Variants in SLCO1A2 observed in about 807,000 individuals in gnomAD.
SLCO1A2 encodes solute carrier organic anion transporter family member 1A2, also known as OATP-1.
A neutral mutation model predicts 69.0 loss-of-function variants in SLCO1A2; 67 were observed. That is an observed-to-expected ratio of 0.97 (90% CI 0.80 to 1.19). The LOEUF is 1.19. Ranked by LOEUF, SLCO1A2 falls within the 50% of genes most tolerant of loss-of-function variation. SLCO1A2 has a pLI of 0.00. For synonymous variants in SLCO1A2, 260 were observed against 265.9 expected (o/e 0.98, Z 0.22); for missense variants, 787 against 793.7 (o/e 0.99, Z 0.10).
chr12:21,307,826 G>A (rs780164649), intron 4 of SLCO1A2, among the ~76,000 whole-genome samples: 4 of 152,146 alleles, frequency 2.6e-5, no homozygotes, highest in Admixed American at 6.5e-5. Flanking sequence ...ATGCTTGGAT[G>A]CCACTGATAG....
Position 21,376,662 on chromosome 12 carries a change from T to TA in SLCO1A2, c.-189-2138dup, listed in dbSNP as rs141702135. ...TAGGAAGAAATATGGGAGTAAAATT[T>TA]AAAAAAAAAACAGTTTCACATGAGA... On this transcript the variant is annotated intron_variant, in intron 1 of 15. Transcript: ENST00000307378. 1.2e-3 allele frequency among the ~76,000 whole-genome samples: 183 copies of TA among 148,150 alleles called. 2 individuals carry two copies. The highest frequency in any genetic ancestry group is 3.0e-3 in the African/African-American group (124 of 40,684).
At chr12:21,362,416 G>C (rs1938982826) in intron 2 of SLCO1A2, among the ~76,000 whole-genome samples, 1 of 152,112 alleles carries the variant, frequency 6.6e-6, no homozygotes, top group Non-Finnish European at 1.5e-5. Context: ...ACATGGAAAG[G>C]AACAACCGGT....
intron 4 of SLCO1A2, among the ~76,000 whole-genome samples, chr12:21,310,890 A>T (rs959132982): frequency 1.3e-5 from 2 of 152,204 alleles, no homozygotes; most frequent in African/African-American, 4.8e-5. Context: ...GGCGTGAGCC[A>T]CCGCGCCCAG....
At chr12:21,270,832 A>G (rs1942683171) in intron 14 of SLCO1A2, among the ~76,000 whole-genome samples, 1 of 149,266 alleles carries the variant, frequency 6.7e-6, no homozygotes, top group African/African-American at 2.5e-5. Flanking sequence ...ATCCTTAATG[A>G]TGTTTTATTT....
At chr12:21,319,588 T>A in intron 2 of SLCO1A2, 1 of 647,886 alleles carries the variant, frequency 1.5e-6, no homozygotes, top group Non-Finnish European at 2.4e-6. Context: ...AGCTGCAGTG[T>A]AAATGGAGGA....
In SLCO1A2 at chr12:21,334,838, T is replaced by TC. The variant is rs397821877; in HGVS notation, c.-75_-74insG. The TC allele has an allele frequency of 6.1e-6, 3 of 492,130 alleles. No homozygotes were observed. In the South Asian group the frequency reaches 1.0e-4, roughly 16 times the overall value. The allele number at this position is 492,130 out of a possible 1,614,324, so 30.5% of individuals were successfully genotyped here. A position where few individuals can be genotyped will look rare whatever the true frequency, so the allele number is the denominator to read the frequency against. On this transcript the variant is annotated 5_prime_UTR_variant, in exon 1 of 15. Coordinates refer to ENST00000683939, the MANE Select transcript of SLCO1A2 (RefSeq NM_001386879.1). ...CATTACAAAAATACCTGGAACGCTT[T>TC]AATACAGATTAGAAAATCATGGTGT...
At chr12:21,271,739 T>A (rs1420785041) in intron 14 of SLCO1A2, among the ~76,000 whole-genome samples, 1 of 148,356 alleles carries the variant, frequency 6.7e-6, no homozygotes, top group Non-Finnish European at 1.5e-5. Flanking sequence ...TGCATATGTA[T>A]ATTTACATAT....
intron 12 of SLCO1A2, among the ~76,000 whole-genome samples, chr12:21,279,831 A>G (rs888180600): frequency 2.0e-5 from 3 of 152,232 alleles, no homozygotes; most frequent in Non-Finnish European, 4.4e-5. Context: ...TGATGTATAA[A>G]CTACTCTTAA....
At chr12:21,357,424 A>G (rs1938459481) in intron 2 of SLCO1A2, among the ~76,000 whole-genome samples, 1 of 152,206 alleles carries the variant, frequency 6.6e-6, no homozygotes, top group African/African-American at 2.4e-5. Context: ...CTCAGATAGA[A>G]CCAACCCTGC....
rs1482265058 is a variant in SLCO1A2, at chr12:21,268,425, T to C, written c.*1123A>G. 1 of 152,110 alleles carries C rather than the reference T, an allele frequency of 6.6e-6. No homozygotes were observed. Among genetic ancestry groups the C allele is most frequent in the Non-Finnish European group, 1.5e-5 (1 of 67,990 alleles). 9.4% of individuals were successfully genotyped at this position (152,110 alleles called of 1,614,324 possible). On this transcript the variant is annotated 3_prime_UTR_variant, in exon 15 of 15. Transcript: ENST00000683939. ...TCATTCTTATATATTGACTGTCATT[T>C]CAACAGGAAGGAGAGTAAGGAGTAG... is the stretch of plus-strand genomic sequence containing the variant.
intron 12 of SLCO1A2, among the ~76,000 whole-genome samples, chr12:21,284,809 G>A (rs1591790544): frequency 1.2e-5 from 1 of 85,194 alleles, no homozygotes; most frequent in African/African-American, 5.4e-5. Context: ...TGAAACCAAC[G>A]AGAACAAAGA....
intron 1 of SLCO1A2, among the ~76,000 whole-genome samples, chr12:21,384,181 A>T (rs1940751547): frequency 6.6e-6 from 1 of 152,194 alleles, no homozygotes; most frequent in Non-Finnish European, 1.5e-5. Context: ...TTCTAAATTC[A>T]TTTTATTAAG....
At chr12:21,292,071 T>A in intron 12 of SLCO1A2, 93 bp downstream of exon 12, 1 of 817,678 alleles carries the variant, frequency 1.2e-6, no homozygotes, top group East Asian at 2.7e-5. Context: ...GAGCACTGAG[T>A]TCTTAGATAC....
Position 21,302,116 on chromosome 12 carries a change from C to T in SLCO1A2, c.590-847G>A, listed in dbSNP as rs138125151. ...CTCTCTTGTGCGCGTTCAATTTCCCCGTAGCCAATGATTCTACAAAATCTC... is the reference window on the plus strand; with the variant it reads ...CTCTCTTGTGCGCGTTCAATTTCCCTGTAGCCAATGATTCTACAAAATCTC... On this transcript the variant is annotated intron_variant, in intron 6 of 14. Coordinates refer to ENST00000683939, the MANE Select transcript of SLCO1A2 (RefSeq NM_001386879.1). Among the ~76,000 whole-genome samples the T allele has an allele frequency of 2.6e-5, 4 of 152,210 alleles. 1 individual carries two copies. Among genetic ancestry groups the T allele is most frequent in the African/African-American group, 7.2e-5 (3 of 41,522 alleles).
chr12:21,405,238 C>T (rs1024530808), intron 1 of SLCO1A2, among the ~76,000 whole-genome samples: 1 of 152,064 alleles, frequency 6.6e-6, no homozygotes, highest in Non-Finnish European at 1.5e-5. Flanking sequence ...AATTAGATCT[C>T]ATTTGTCAAT....
chr12:21,302,939 G>A (rs983731178), intron 6 of SLCO1A2, among the ~76,000 whole-genome samples: 7 of 151,872 alleles, frequency 4.6e-5, no homozygotes, highest in African/African-American at 1.5e-4. Flanking sequence ...TGATTTGTCC[G>A]CCTCAGCCTC....
At chr12:21,337,366 A>G (rs1288222516), upstream of SLCO1A2, among the ~76,000 whole-genome samples, 1 of 152,076 alleles carries the variant, frequency 6.6e-6, no homozygotes, top group East Asian at 1.9e-4. Context: ...GCAGTATTAA[A>G]CAAATTAATA....
chr12:21,315,140 A>G (rs916911609), intron 3 of SLCO1A2, among the ~76,000 whole-genome samples: 10 of 152,206 alleles, frequency 6.6e-5, no homozygotes, highest in African/African-American at 2.4e-4. Flanking sequence ...TAGGTAGCTG[A>G]ATGTTTTGTA....
chr12:21,361,849 A>T (rs998708864), intron 2 of SLCO1A2, among the ~76,000 whole-genome samples: 1 of 152,166 alleles, frequency 6.6e-6, no homozygotes, highest in Non-Finnish European at 1.5e-5. Flanking sequence ...TAGAGAAAAA[A>T]GAGTAAAAAG....
Sources: allele counts gnomAD v4.1 joint callset (sites outside exome capture counted in the v4.1 genomes callset), GRCh38; gene constraint gnomAD v4.1.1; transcripts MANE v1.5; gene names NCBI Gene and HGNC (gene_info 2026-07-23, HGNC 2026-07-21).